The following PID1 variants were observed in gnomAD, a reference collection of about 807,000 sequenced individuals.
The protein encoded by PID1 is phosphotyrosine interaction domain containing 1, also known as PTB-containing, cubilin and LRP1-interacting protein.
PID1 carries 10 observed loss-of-function variants against 19.1 expected under a neutral mutation model. That is an observed-to-expected ratio of 0.52 (90% CI 0.32 to 0.89). PID1 has a LOEUF of 0.89. PID1 is among the 40% of genes least tolerant of loss of function. The pLI is 0.03. For missense variants in PID1, 248 were observed against 285.3 expected (o/e 0.87, Z 0.94); for synonymous variants, 130 against 116.0 (o/e 1.12, Z -0.78).
chr2:229,189,659 T>C (rs1231792143), intron 1 of PID1, among the ~76,000 whole-genome samples: 1 of 152,146 alleles, frequency 6.6e-6, no homozygotes, highest in East Asian at 1.9e-4. Flanking sequence ...ATTGCACCAC[T>C]GCACTCTAGC....
intron 1 of PID1, among the ~76,000 whole-genome samples, chr2:229,172,261 T>G (rs1690725551): frequency 6.6e-6 from 1 of 152,202 alleles, no homozygotes. Flanking sequence ...CCGGAGGGAA[T>G]GCACAGGCAA....
At chr2:229,211,669 C>T (rs1470006307) in intron 1 of PID1, among the ~76,000 whole-genome samples, 2 of 152,186 alleles carry the variant, frequency 1.3e-5, no homozygotes, top group Non-Finnish European at 2.9e-5. Context: ...GAATGTGATG[C>T]ATGGGCTTTG....
intron 1 of PID1, among the ~76,000 whole-genome samples, chr2:229,194,069 A>G (rs1691320181): frequency 1.3e-5 from 2 of 152,174 alleles, no homozygotes; most frequent in Non-Finnish European, 2.9e-5. Flanking sequence ...AAGCCTAATG[A>G]AAATTCTGGG....
intron 2 of PID1, among the ~76,000 whole-genome samples, chr2:229,032,516 A>G (rs190236874): frequency 2.6e-5 from 4 of 152,308 alleles, no homozygotes; most frequent in African/African-American, 7.2e-5. Flanking sequence ...GAAAACACCA[A>G]CTTATAAAAT....
chr2:229,124,104 A>G (rs1214449541), intron 2 of PID1, among the ~76,000 whole-genome samples: 2 of 152,186 alleles, frequency 1.3e-5, no homozygotes, highest in Admixed American at 1.3e-4. Context: ...GTGTTTGATA[A>G]ATTAAAACCT....
chr2:229,257,295 T>C lies in PID1; in HGVS notation c.30+13719A>G, dbSNP rs536063757. 2.6e-5 allele frequency among the ~76,000 whole-genome samples: 4 copies of C among 152,350 alleles called. No homozygotes were observed. The South Asian group carries it at 8.3e-4, about 32-fold the overall frequency. On this transcript the variant is annotated intron_variant, in intron 1 of 2. Coordinates refer to ENST00000392055, the MANE Select transcript of PID1 (RefSeq NM_001100818.2). ...ATAGATAATTATGGTGGAGCATTCA[T>C]GTGCCAGGGACAGTGCTAACTGCTC...
chr2:229,145,160 T>TAC (rs201947142), intron 2 of PID1, among the ~76,000 whole-genome samples: 2,722 of 122,732 alleles, frequency 0.022, 56 homozygotes, highest in African/African-American at 0.06. Flanking sequence ...TATGTGTATA[T>TAC]ATATATATAT....
chr2:229,267,819 A>G (rs957438935), intron 1 of PID1, among the ~76,000 whole-genome samples: 3 of 152,184 alleles, frequency 2.0e-5, no homozygotes, highest in African/African-American at 7.2e-5. Flanking sequence ...TATTTCATAA[A>G]AACCAGTAGG....
At chr2:229,252,397 CCTCT>C (rs781549228) in intron 1 of PID1, among the ~76,000 whole-genome samples, 1 of 152,110 alleles carries the variant, frequency 6.6e-6, no homozygotes, top group Non-Finnish European at 1.5e-5. Context: ...CAAAAGACTC[CCTCT>C]AAGTTTCATC....
At chr2:229,081,050 CT>C (rs1694659233) in intron 2 of PID1, among the ~76,000 whole-genome samples, 1 of 152,136 alleles carries the variant, frequency 6.6e-6, no homozygotes, top group South Asian at 2.1e-4. Flanking sequence ...CATTTTTTCT[CT>C]AAAAACCTCT....
chr2:229,072,171 A>G (rs1483426940), intron 2 of PID1, among the ~76,000 whole-genome samples: 1 of 152,252 alleles, frequency 6.6e-6, no homozygotes, highest in Non-Finnish European at 1.5e-5. Flanking sequence ...ACATTTTTCT[A>G]GACTCCTAAA....
chr2:229,178,143 CT>C (rs1690864481), intron 1 of PID1, among the ~76,000 whole-genome samples: 1 of 152,178 alleles, frequency 6.6e-6, no homozygotes, highest in Non-Finnish European at 1.5e-5. Context: ...ATCAAATCCC[CT>C]TATTGCTATA....
intron 2 of PID1, among the ~76,000 whole-genome samples, chr2:229,108,381 T>C (rs1485367527): frequency 1.3e-5 from 2 of 152,154 alleles, no homozygotes; most frequent in Admixed American, 1.3e-4. Flanking sequence ...GAGTGACAGA[T>C]GACACCAATG....
chr2:229,095,663 G>A (rs1047212585), intron 2 of PID1, among the ~76,000 whole-genome samples: 3 of 152,030 alleles, frequency 2.0e-5, no homozygotes, highest in African/African-American at 7.2e-5. Flanking sequence ...TATAGACACT[G>A]GAATCTGTCA....
intron 1 of PID1, among the ~76,000 whole-genome samples, chr2:229,239,449 G>A (rs978976307): frequency 6.6e-5 from 10 of 152,034 alleles, no homozygotes; most frequent in South Asian, 4.2e-4. Flanking sequence ...AGACAAAGCC[G>A]AACCCCCCGT....
At chr2:229,257,019 A>G (rs770986579) in intron 1 of PID1, among the ~76,000 whole-genome samples, 1 of 152,218 alleles carries the variant, frequency 6.6e-6, no homozygotes, top group Non-Finnish European at 1.5e-5. Context: ...TGAATGGGTT[A>G]CAAGTGGTCT....
At chr2:229,139,352 C>T (rs1343744663) in intron 2 of PID1, among the ~76,000 whole-genome samples, 1 of 152,112 alleles carries the variant, frequency 6.6e-6, no homozygotes, top group Non-Finnish European at 1.5e-5. Context: ...AGCCTAAAGA[C>T]AAACGACTAC....
chr2:229,222,523 C>T (rs148847337), intron 1 of PID1, among the ~76,000 whole-genome samples: 14 of 152,118 alleles, frequency 9.2e-5, no homozygotes, highest in African/African-American at 3.4e-4. Flanking sequence ...TTGACTGGAC[C>T]ACAGGGTGCC....
At chr2:229,254,721 GAT>G (rs1690247632) in intron 1 of PID1, among the ~76,000 whole-genome samples, 1 of 152,176 alleles carries the variant, frequency 6.6e-6, no homozygotes, top group Non-Finnish European at 1.5e-5. Context: ...ATGTTTAAAT[GAT>G]ATGTTTCTCT....
Sources: allele counts gnomAD v4.1 joint callset (sites outside exome capture counted in the v4.1 genomes callset), GRCh38; gene constraint gnomAD v4.1.1; transcripts MANE v1.5; gene names NCBI Gene and HGNC (gene_info 2026-07-23, HGNC 2026-07-21).